The following ANKRD55 variants were observed in gnomAD, a reference collection of about 807,000 sequenced individuals.
ANKRD55 encodes the protein ankyrin repeat domain 55, also known as ankyrin repeat domain-containing protein 55.
ANKRD55 carries 41 observed loss-of-function variants against 60.6 expected under a neutral mutation model. The ratio of observed to expected loss-of-function variants is 0.68; its 90% confidence interval spans 0.53 to 0.88. The LOEUF (loss-of-function observed/expected upper bound fraction) is 0.88. Ranked by LOEUF, ANKRD55 falls within the 40% of genes least tolerant of loss-of-function variation. The pLI is 0.00. For synonymous variants in ANKRD55, 264 were observed against 290.3 expected (o/e 0.91, Z 0.92); for missense variants, 732 against 767.6 (o/e 0.95, Z 0.55).
chr5:56,229,876 GTGT>G (rs1760206954), intron 2 of ANKRD55, among the ~76,000 whole-genome samples: 1 of 151,768 alleles, frequency 6.6e-6, no homozygotes, highest in South Asian at 2.1e-4. Context: ...ATTTAGTGGG[GTGT>G]TGTTATTATT....
At chr5:56,158,149 C>T (rs149537422) in intron 6 of ANKRD55, among the ~76,000 whole-genome samples, 1,695 of 152,058 alleles carry the variant, frequency 0.011, 33 homozygotes, top group African/African-American at 0.039. Context: ...CCACTGTACT[C>T]CAGCCTGGGC....
At chr5:56,199,039 C>T (rs896930487) in intron 2 of ANKRD55, among the ~76,000 whole-genome samples, 2 of 152,082 alleles carry the variant, frequency 1.3e-5, no homozygotes, top group Non-Finnish European at 2.9e-5. Flanking sequence ...GAGATCGCGC[C>T]ACTGCACTCC....
At chr5:56,225,503 T>G (rs1272865762) in intron 2 of ANKRD55, among the ~76,000 whole-genome samples, 2 of 151,946 alleles carry the variant, frequency 1.3e-5, no homozygotes, top group African/African-American at 4.8e-5. Flanking sequence ...GCAGGAGAAA[T>G]AAATAAAGAG....
intron 7 of ANKRD55, among the ~76,000 whole-genome samples, chr5:56,130,437 T>C (rs1412133378): frequency 5.9e-5 from 9 of 152,154 alleles, no homozygotes; most frequent in Admixed American, 5.9e-4. Flanking sequence ...CTTGGAATAT[T>C]CACATTCCAG....
At chr5:56,173,157 G>A (rs545486797) in intron 4 of ANKRD55, among the ~76,000 whole-genome samples, 8 of 152,160 alleles carry the variant, frequency 5.3e-5, no homozygotes, top group African/African-American at 1.9e-4. Context: ...TGGACATATC[G>A]AGGACCACCT....
rs563882567 is a variant in ANKRD55, at chr5:56,203,793, C to T, written c.59-20159G>A. On this transcript the variant is annotated intron_variant, in intron 2 of 11. Coordinates refer to ENST00000341048, the MANE Select transcript of ANKRD55 (RefSeq NM_024669.3). ...CTATTGTGAATACTGTCACAATGAA[C>T]ATATGTGTGCATGTGTCTTTATAGC... Among the ~76,000 whole-genome samples, 3 of 152,268 alleles carry T rather than the reference C, an allele frequency of 2.0e-5. No homozygotes were observed. In the East Asian group the frequency reaches 5.8e-4, roughly 29 times the overall value.
At chr5:56,191,311 ATAATAT>A (rs1220742456) in intron 2 of ANKRD55, among the ~76,000 whole-genome samples, 1 of 152,202 alleles carries the variant, frequency 6.6e-6, no homozygotes, top group Non-Finnish European at 1.5e-5. Flanking sequence ...TGGCATCTTA[ATAATAT>A]TAAGTTTTCT....
intron 2 of ANKRD55, among the ~76,000 whole-genome samples, chr5:56,220,893 G>GA (rs1169696496): frequency 6.6e-6 from 1 of 152,042 alleles, no homozygotes; most frequent in Non-Finnish European, 1.5e-5. Flanking sequence ...TCAAGAACAG[G>GA]AAAAAAAGAT....
chr5:56,108,868 C>G (rs2111668054), intron 10 of ANKRD55, among the ~76,000 whole-genome samples: 1 of 152,326 alleles, frequency 6.6e-6, no homozygotes, highest in South Asian at 2.1e-4. Flanking sequence ...GAAACCCCGT[C>G]TCCACTAAAA....
chr5:56,168,889 C>T (rs991831063), intron 5 of ANKRD55, among the ~76,000 whole-genome samples: 2 of 152,370 alleles, frequency 1.3e-5, no homozygotes, highest in South Asian at 4.1e-4. Flanking sequence ...CGAAGTCTCA[C>T]TTTGTCGCCC....
rs1203174145 is a variant in ANKRD55, at chr5:56,183,582, A to G, written c.111T>C (p.Asn37=). The G allele has an allele frequency of 4.3e-6, 7 of 1,614,184 alleles. No homozygotes were observed. The highest frequency in any genetic ancestry group is 3.3e-5 in the South Asian group (3 of 91,080). The change falls in exon 3 of 12, where the codon AAT becomes AAC. Residue 37 remains asparagine, a synonymous_variant. Coordinates refer to ENST00000341048, the MANE Select transcript of ANKRD55 (RefSeq NM_024669.3). ...DLTMVYQAAS[N]GDVNALTAVI... ...CTGCAGTCAGAGCATTGACATCTCC[A>G]TTAGAGGCTGCTTGATAAACCATGG... is the stretch of plus-strand genomic sequence containing the variant.
intron 8 of ANKRD55, among the ~76,000 whole-genome samples, chr5:56,120,371 C>T (rs1456707765): frequency 6.6e-6 from 1 of 152,152 alleles, no homozygotes; most frequent in African/African-American, 2.4e-5. Flanking sequence ...ATTTTAAGAT[C>T]CTGATCTCTA....
chr5:56,148,355 G>A (rs1334270777), intron 6 of ANKRD55, among the ~76,000 whole-genome samples: 1 of 152,164 alleles, frequency 6.6e-6, no homozygotes, highest in Non-Finnish European at 1.5e-5. Flanking sequence ...CCCTGGTGAC[G>A]GGAGAATTCT....
At chr5:56,209,612 G>A (rs1157249095) in intron 2 of ANKRD55, among the ~76,000 whole-genome samples, 1 of 151,978 alleles carries the variant, frequency 6.6e-6, no homozygotes, top group African/African-American at 2.4e-5. Flanking sequence ...GACTACAGGC[G>A]CCCGCCACCG....
intron 8 of ANKRD55, among the ~76,000 whole-genome samples, chr5:56,122,809 A>G (rs770175163): frequency 1.3e-5 from 2 of 150,896 alleles, no homozygotes; most frequent in Non-Finnish European, 2.9e-5. Flanking sequence ...TCTGTCACCC[A>G]GGCTGGAGTG....
chr5:56,209,503 T>G (rs528204657), intron 2 of ANKRD55, among the ~76,000 whole-genome samples: 1 of 150,996 alleles, frequency 6.6e-6, no homozygotes, highest in Non-Finnish European at 1.5e-5. Context: ...GTCTCACTCT[T>G]TGGCCCAGGC....
chr5:56,105,310 C>T (rs1756425623), intron 10 of ANKRD55, among the ~76,000 whole-genome samples: 1 of 152,298 alleles, frequency 6.6e-6, no homozygotes, highest in East Asian at 1.9e-4. Flanking sequence ...TGATCTTGAA[C>T]TCCTGACCTC....
At chr5:56,109,814 C>G (rs145804070) in intron 10 of ANKRD55, among the ~76,000 whole-genome samples, 284 of 152,152 alleles carry the variant, frequency 1.9e-3, no homozygotes, top group African/African-American at 6.5e-3. Flanking sequence ...GAGGTCAGAT[C>G]GAGACCATCC....
chr5:56,215,370 T>C (rs1404899279), intron 2 of ANKRD55, among the ~76,000 whole-genome samples: 1 of 152,212 alleles, frequency 6.6e-6, no homozygotes, highest in African/African-American at 2.4e-5. Context: ...CAGACTGCCA[T>C]GGAGACTGAA....
Sources: allele counts gnomAD v4.1 joint callset (sites outside exome capture counted in the v4.1 genomes callset), GRCh38; gene constraint gnomAD v4.1.1; transcripts MANE v1.5; gene names NCBI Gene and HGNC (gene_info 2026-07-23, HGNC 2026-07-21).